Variants in RNF216 observed in about 807,000 individuals in gnomAD.
RNF216 encodes E3 ubiquitin-protein ligase RNF216.
Under a neutral mutation model 110.8 loss-of-function variants are expected in RNF216, and 72 were observed. The observed-to-expected ratio is 0.65, with a 90% CI of 0.54 to 0.79. The LOEUF (loss-of-function observed/expected upper bound fraction) is 0.79. RNF216 is among the 30% of genes least tolerant of loss of function. The probability of loss-of-function intolerance (pLI) is 0.00; values close to 1 mark genes in which losing one functional copy is unlikely to be tolerated. For synonymous variants in RNF216, 495 were observed against 407.5 expected, an observed-to-expected ratio of 1.21 and a Z score of -2.59; for missense variants, 1,342 against 1,141.2, an observed-to-expected ratio of 1.18 and a Z score of -2.54.
intron 7 of RNF216, among the ~76,000 whole-genome samples, chr7:5,725,864 T>C (rs1038402987): frequency 7.1e-6 from 1 of 140,576 alleles, no homozygotes; most frequent in East Asian, 2.1e-4. Flanking sequence ...AAAAAAGGAA[T>C]AGGCAGTGGT....
chr7:5,677,177 G>A (rs1790352029), intron 13 of RNF216, among the ~76,000 whole-genome samples: 1 of 152,212 alleles, frequency 6.6e-6, no homozygotes, highest in African/African-American at 2.4e-5. Flanking sequence ...AATTTGTCCA[G>A]GTGTTAATTT....
chr7:5,652,395 C>T lies in RNF216; in HGVS notation c.2159+18G>A. The T allele has an allele frequency of 6.4e-7, 1 of 1,567,608 alleles. No homozygotes were observed. Among genetic ancestry groups the T allele is most frequent in the Non-Finnish European group, 8.8e-7 (1 of 1,137,786 alleles). ...AGTTGAGAATCAGCCCATAGCCCCT[C>T]TGAATTCTGTTACTCACATAGAGGT... On this transcript the variant is annotated intron_variant, in intron 14 of 16. Coordinates refer to ENST00000389902, the MANE Select transcript of RNF216 (RefSeq NM_207111.4).
intron 3 of RNF216, among the ~76,000 whole-genome samples, chr7:5,750,900 CAG>C (rs1169987544): frequency 6.7e-6 from 1 of 149,032 alleles, no homozygotes; most frequent in Non-Finnish European, 1.5e-5. Flanking sequence ...ACTAACTCAA[CAG>C]AGAAGATTCT....
In RNF216 at chr7:5,622,952, C is replaced by G. The variant is rs761920023; in HGVS notation, c.2680G>C (p.Val894Leu). 5 of 1,613,830 alleles carry G rather than the reference C, an allele frequency of 3.1e-6. No homozygotes were observed. Among genetic ancestry groups the G allele is most frequent in the Non-Finnish European group, 4.2e-6 (5 of 1,179,988 alleles). ...PAPYVPPLPN[V>L]RVNYDFGPIH... ...GGACCGAAGTCATAGTTGACCCGCA[C>G]GTTGGGCAGAGGGGGCACGTACGGG... is the stretch of plus-strand genomic sequence containing the variant. Residue 894 changes from valine (V) to leucine (L), a missense_variant, in exon 17 of 17, where the codon GTG becomes CTG. By Grantham distance (32) the Val-to-Leu change is conservative. Coordinates refer to ENST00000389902, the MANE Select transcript of RNF216 (RefSeq NM_207111.4).
chr7:5,707,755 A>C (rs1584486480), intron 13 of RNF216, among the ~76,000 whole-genome samples: 1 of 117,564 alleles, frequency 8.5e-6, no homozygotes, highest in Admixed American at 1.2e-4. Flanking sequence ...ACAGAGTCTC[A>C]CTCTGTCGCC....
intron 1 of RNF216, among the ~76,000 whole-genome samples, chr7:5,780,611 A>C (rs1797026889): frequency 6.6e-6 from 1 of 152,096 alleles, no homozygotes. Flanking sequence ...AGGCTGAGGC[A>C]GGAAAATCGC....
chr7:5,770,820 C>G (rs1357820294), intron 1 of RNF216, among the ~76,000 whole-genome samples: 1 of 149,578 alleles, frequency 6.7e-6, no homozygotes, highest in Non-Finnish European at 1.5e-5. Flanking sequence ...TTTTTTCTTT[C>G]CCCCCGAAAC....
At chr7:5,760,426 G>GA (rs762411204) in intron 2 of RNF216, 2 of 371,676 alleles carry the variant, frequency 5.4e-6, no homozygotes, top group Non-Finnish European at 1.1e-5. Context: ...TCAGACCGGA[G>GA]AATCATTTGA....
intron 13 of RNF216, among the ~76,000 whole-genome samples, chr7:5,655,364 G>T (rs528132173): frequency 6.6e-6 from 1 of 152,324 alleles, no homozygotes; most frequent in African/African-American, 2.4e-5. Context: ...TTGGGAGGCC[G>T]AGGCGGAGGG....
intron 1 of RNF216, among the ~76,000 whole-genome samples, chr7:5,778,530 G>C (rs1422842377): frequency 6.6e-6 from 1 of 152,166 alleles, no homozygotes; most frequent in Non-Finnish European, 1.5e-5. Context: ...CAGAACCAAA[G>C]TGTCACTTGA....
intron 3 of RNF216, among the ~76,000 whole-genome samples, chr7:5,742,837 T>G (rs1032313727): frequency 2.6e-5 from 4 of 151,832 alleles, no homozygotes; most frequent in Non-Finnish European, 1.5e-5. Context: ...CTCAGATGAC[T>G]GGCCCACCTC....
At position 5,752,861 on chromosome 7, in the gene RNF216, A is replaced by T; in HGVS notation, c.186T>A (p.Asp62Glu). The stretch of plus-strand genomic sequence containing the variant: ...GAAAACTCACTTCTGTCAGGATGAC[A>T]TCATCATCCAGGTCCTCTTCTTCAT... ...QQHEEEDLDD[D>E]VILTETNKPQ... The change falls in exon 3 of 17, where the codon GAT becomes GAA. Residue 62 changes from aspartate to glutamate, a missense_variant. By Grantham distance (45) the Asp-to-Glu change is conservative (BLOSUM62 2). Coordinates refer to ENST00000389902, the MANE Select transcript of RNF216 (RefSeq NM_207111.4). 1.9e-6 allele frequency: 3 copies of T among 1,611,740 alleles called. No homozygotes were observed. Among genetic ancestry groups the T allele is most frequent in the Non-Finnish European group, 2.5e-6 (3 of 1,179,186 alleles).
chr7:5,715,197 G>A lies in RNF216; in HGVS notation c.1696-7C>T. 2 of 1,611,606 alleles carry A rather than the reference G, an allele frequency of 1.2e-6. No individual in the cohort carries two copies. The highest frequency in any genetic ancestry group is 1.7e-6 in the Non-Finnish European group (2 of 1,179,424). Reference sequence around the variant, plus strand: ...ACTCAATCAGCTGGCCATCCTGCAGGCAGTCAAGAAACACACATGAAATGT... The same window carrying A: ...ACTCAATCAGCTGGCCATCCTGCAGACAGTCAAGAAACACACATGAAATGT... On this transcript the variant is annotated splice_polypyrimidine_tract_variant and splice_region_variant and intron_variant, in intron 10 of 16. Transcript: ENST00000389902.
At chr7:5,626,725 C>T (rs1303082024) in intron 15 of RNF216, among the ~76,000 whole-genome samples, 2 of 151,828 alleles carry the variant, frequency 1.3e-5, no homozygotes, top group African/African-American at 4.8e-5. Flanking sequence ...AGCAGGAGGG[C>T]CGTGGGCCTA....
At chr7:5,628,214 A>G (rs1414774965) in intron 15 of RNF216, among the ~76,000 whole-genome samples, 1 of 152,162 alleles carries the variant, frequency 6.6e-6, no homozygotes, top group East Asian at 1.9e-4. Context: ...GGCAAGTGGA[A>G]TCAAGACCAT....
chr7:5,732,008 TCCC>T (rs1794120361), intron 5 of RNF216, among the ~76,000 whole-genome samples: 1 of 151,920 alleles, frequency 6.6e-6, no homozygotes, highest in African/African-American at 2.4e-5. Context: ...ACTTCAGGAG[TCCC>T]ATATACTCTT....
In RNF216 at chr7:5,741,344, C is replaced by G. The variant is rs760450229; in HGVS notation, c.673G>C (p.Glu225Gln). 6.2e-7 allele frequency: 1 copy of G among 1,614,132 alleles called. No individual in the cohort carries two copies. The highest frequency in any genetic ancestry group is 8.5e-7 in the Non-Finnish European group (1 of 1,180,010). ...SAALADDQAI[E>Q]EDCWLDHPYF... ...GGATGATCTAACCAGCAGTCTTCTTCGATGGCCTGATCATCTGCTAGAGCA... is the reference window on the plus strand; with the variant it reads ...GGATGATCTAACCAGCAGTCTTCTTGGATGGCCTGATCATCTGCTAGAGCA... Residue 225 changes from glutamate to glutamine, a missense_variant, in exon 4 of 17, where the codon GAA (glutamate) becomes CAA (glutamine). By Grantham distance (29) the Glu-to-Gln change is conservative. Coordinates refer to ENST00000389902, the MANE Select transcript of RNF216 (RefSeq NM_207111.4).
intron 15 of RNF216, among the ~76,000 whole-genome samples, chr7:5,640,253 T>C (rs375164611): frequency 1.8e-4 from 28 of 152,292 alleles, no homozygotes; most frequent in African/African-American, 6.7e-4. Flanking sequence ...CATTTGCCAG[T>C]GAGAATTTAT....
chr7:5,720,206 C>T (rs1010390638), intron 9 of RNF216, among the ~76,000 whole-genome samples: 2 of 152,128 alleles, frequency 1.3e-5, no homozygotes, highest in Non-Finnish European at 2.9e-5. Context: ...ACTGTGGGGA[C>T]CCACTTATGT....
Sources: allele counts gnomAD v4.1 joint callset (sites outside exome capture counted in the v4.1 genomes callset), GRCh38; gene constraint gnomAD v4.1.1; transcripts MANE v1.5; gene names NCBI Gene and HGNC (gene_info 2026-07-23, HGNC 2026-07-21).